Variants in RTP2 observed in about 807,000 individuals in gnomAD.
RTP2 encodes receptor transporter protein 2.
A neutral mutation model predicts 17.9 loss-of-function variants in RTP2; 12 were observed. The ratio of observed to expected loss-of-function variants is 0.67; its 90% CI spans 0.43 to 1.09. RTP2 has a LOEUF of 1.09. RTP2 is among the 50% of genes least tolerant of loss of function. RTP2 has a pLI of 0.00. For synonymous variants in RTP2, 126 were observed against 117.7 expected (o/e 1.07, Z -0.46); for missense variants, 327 against 295.7 (o/e 1.11, Z -0.78).
At chr3:187,705,610 G>A (rs1717973180), upstream of RTP2, among the ~76,000 whole-genome samples, 2 of 152,282 alleles carry the variant, frequency 1.3e-5, no homozygotes, top group East Asian at 3.9e-4. Flanking sequence ...CCATTCCTGA[G>A]GCAAGTCTCT....
chr3:187,709,075 A>G, the RTP2 span, among the ~76,000 whole-genome samples: 1 of 152,112 alleles, frequency 6.6e-6, no homozygotes, highest in African/African-American at 2.4e-5. Context: ...TAACTATTAA[A>G]TGAAAGCTCC....
exon 2 of RTP2, chr3:187,698,825 C>T (rs763679751): frequency 4.2e-5 from 68 of 1,612,904 alleles, no homozygotes; most frequent in Non-Finnish European, 5.6e-5. Context: ...GGTTGTCCAC[C>T]AGGCCCTCGA....
Position 187,702,231 on chromosome 3 carries a change from A to C in RTP2, c.-103T>G. ...TTCAGTGTCTACGGTCAGAATCCTC[A>C]TCGGCAGGACTGGGAGTAAACAGGA... On this transcript the variant is annotated 5_prime_UTR_variant, in exon 1 of 2. An upstream start codon of the reference 5' UTR is lost. Transcript: ENST00000358241. 3.9e-4 allele frequency: 464 copies of C among 1,194,286 alleles called. No individual in the cohort carries two copies. Among genetic ancestry groups the C allele is most frequent in the Non-Finnish European group, 4.9e-4 (410 of 838,570 alleles). 74.0% of individuals were successfully genotyped at this position (1,194,286 alleles called of 1,614,324 possible).
chr3:187,699,033 G>A, intron 1 of RTP2, 22 bp from the exon 2 acceptor site: 1 of 1,555,214 alleles, frequency 6.4e-7, no homozygotes, highest in South Asian at 1.2e-5. Flanking sequence ...AGAAGGAGGG[G>A]TGGAGAAGGT....
At chr3:187,708,376 G>A in the RTP2 span, among the ~76,000 whole-genome samples, 12 of 152,286 alleles carry the variant, frequency 7.9e-5, no homozygotes, top group South Asian at 2.1e-4. Context: ...TGCTGGTGCC[G>A]GTGCCATAAC....
At chr3:187,715,572 T>C in the RTP2 span, 3 of 451,312 alleles carry the variant, frequency 6.6e-6, no homozygotes, top group South Asian at 4.7e-5. Context: ...TCCTAGTCCT[T>C]ATAGAATTTC....
intron 1 of RTP2, among the ~76,000 whole-genome samples, chr3:187,701,133 A>G (rs765719289): frequency 1.3e-5 from 2 of 152,182 alleles, no homozygotes; most frequent in Non-Finnish European, 2.9e-5. Context: ...AAAGGCCTGC[A>G]CAGACACTAC....
intron 1 of RTP2, among the ~76,000 whole-genome samples, chr3:187,700,373 G>A (rs1717814630): frequency 6.6e-6 from 1 of 152,250 alleles, no homozygotes; most frequent in Non-Finnish European, 1.5e-5. Flanking sequence ...TAGAGACAGA[G>A]TGAGCCTGTG....
chr3:187,711,143 C>G, the RTP2 span, among the ~76,000 whole-genome samples: 4 of 152,130 alleles, frequency 2.6e-5, no homozygotes, highest in Non-Finnish European at 4.4e-5. Context: ...AGTCTTCCAG[C>G]TTTGTTGGCG....
the RTP2 span, among the ~76,000 whole-genome samples, chr3:187,714,987 A>G: frequency 1.3e-5 from 2 of 152,106 alleles, no homozygotes; most frequent in Admixed American, 1.3e-4. Context: ...ACAAACAAAC[A>G]AAAAACAAAG....
the RTP2 span, among the ~76,000 whole-genome samples, chr3:187,714,641 G>C: frequency 6.6e-6 from 1 of 152,190 alleles, no homozygotes; most frequent in Non-Finnish European, 1.5e-5. Context: ...AGAAAGCAGG[G>C]ACCAGTAGGA....
At chr3:187,710,540 TA>T in the RTP2 span, among the ~76,000 whole-genome samples, 1 of 133,538 alleles carries the variant, frequency 7.5e-6, no homozygotes, top group Non-Finnish European at 1.5e-5. Flanking sequence ...TATATGTGCA[TA>T]TATATATATA....
At chr3:187,705,650 G>T (rs546718948), upstream of RTP2, among the ~76,000 whole-genome samples, 2 of 152,274 alleles carry the variant, frequency 1.3e-5, no homozygotes, top group African/African-American at 4.8e-5. Context: ...TTTACCTTGA[G>T]TATCTATCTT....
chr3:187,709,872 C>T, the RTP2 span, among the ~76,000 whole-genome samples: 6 of 151,768 alleles, frequency 4.0e-5, no homozygotes, highest in East Asian at 1.9e-4. Flanking sequence ...TGCTTGGATA[C>T]GATTTCTGGA....
chr3:187,707,542 A>G (rs992902885), upstream of RTP2, among the ~76,000 whole-genome samples: 1 of 152,204 alleles, frequency 6.6e-6, no homozygotes, highest in African/African-American at 2.4e-5. Flanking sequence ...ATGAAATGAC[A>G]TAGAATCATT....
At chr3:187,706,195 A>G (rs1717987062), upstream of RTP2, among the ~76,000 whole-genome samples, 2 of 152,254 alleles carry the variant, frequency 1.3e-5, no homozygotes, top group Admixed American at 1.3e-4. Context: ...TAGGTTTTAT[A>G]GTAAAACAAA....
chr3:187,698,454 C>G lies in RTP2; in HGVS notation c.*44G>C, dbSNP rs771472236. On this transcript the variant is annotated 3_prime_UTR_variant, in exon 2 of 2. Coordinates refer to ENST00000358241, the Ensembl canonical transcript of RTP2. ...GATCAAGTCCAGACTGTGTCCTCCCCACTCTCAAGCCCATGTGCCCTCTCC... is the reference window on the plus strand; with the variant it reads ...GATCAAGTCCAGACTGTGTCCTCCCGACTCTCAAGCCCATGTGCCCTCTCC... 4 of 1,524,278 alleles carry G rather than the reference C, an allele frequency of 2.6e-6. No individual in the cohort carries two copies. The South Asian group carries it at 5.0e-5, about 19-fold the overall frequency. The allele number at this position is 1,524,278 out of a possible 1,614,324, so 94.4% of individuals were successfully genotyped here.
chr3:187,699,729 C>CA (rs1717793534), intron 1 of RTP2, among the ~76,000 whole-genome samples: 8 of 116,440 alleles, frequency 6.9e-5, no homozygotes, highest in African/African-American at 2.7e-4. Context: ...CATTGCCACT[C>CA]CACACACACA....
the RTP2 span, among the ~76,000 whole-genome samples, chr3:187,714,639 G>C: frequency 6.6e-6 from 1 of 152,192 alleles, no homozygotes. Flanking sequence ...AGAGAAAGCA[G>C]GGACCAGTAG....
Sources: allele counts gnomAD v4.1 joint callset (sites outside exome capture counted in the v4.1 genomes callset), GRCh38; gene constraint gnomAD v4.1.1; transcripts MANE v1.5; gene names NCBI Gene and HGNC (gene_info 2026-07-23, HGNC 2026-07-21).